The following ADAMTS17 variants were observed in gnomAD, a reference collection of about 807,000 sequenced individuals.
ADAMTS17 encodes ADAM metallopeptidase with thrombospondin type 1 motif 17, also known as A disintegrin and metalloproteinase with thrombospondin motifs 17.
Under a neutral mutation model 141.5 loss-of-function variants are expected in ADAMTS17, and 113 were observed. That is an observed-to-expected ratio of 0.80 (90% confidence interval 0.69 to 0.93). The LOEUF is 0.93. Ranked by LOEUF, ADAMTS17 falls within the 40% of genes least tolerant of loss-of-function variation. ADAMTS17 has a pLI of 0.00. For missense variants in ADAMTS17, 1,659 were observed against 1,517.9 expected, an observed-to-expected ratio of 1.09 and a Z score of -1.54; for synonymous variants, 768 against 630.6, an observed-to-expected ratio of 1.22 and a Z score of -3.27.
intron 20 of ADAMTS17, among the ~76,000 whole-genome samples, chr15:99,988,717 CA>C (rs966192309): frequency 3.9e-5 from 6 of 152,178 alleles, no homozygotes; most frequent in Admixed American, 3.3e-4. Flanking sequence ...GACGGCCAGG[CA>C]AAAGGCTCCA....
rs1224770888 is a variant in ADAMTS17 at position 100,053,808 on chromosome 15, G to A, written c.2295+89C>T. The A allele has an allele frequency of 3.8e-6, 6 of 1,599,918 alleles. No individual in the cohort carries two copies. The African/African-American group carries it at 6.7e-5, about 18-fold the overall frequency. On this transcript the variant is annotated intron_variant, in intron 16 of 21. Transcript: ENST00000268070. ...AGCCAGATGCATTTCCTGCCCCCGA[G>A]GTCCCAGGCAGAAGTAAACTGGAAA...
chr15:100,182,506 A>AC (rs2040560597), intron 8 of ADAMTS17, among the ~76,000 whole-genome samples: 2 of 152,190 alleles, frequency 1.3e-5, no homozygotes, highest in African/African-American at 4.8e-5. Flanking sequence ...CACAGAGATT[A>AC]CCTCTCTGTG....
chr15:100,037,005 T>C (rs554022581), intron 18 of ADAMTS17, among the ~76,000 whole-genome samples: 3 of 152,360 alleles, frequency 2.0e-5, no homozygotes, highest in East Asian at 1.9e-4. Context: ...TTAGCCATTA[T>C]AATACTATGA....
chr15:100,293,044 C>A (rs1324035645), intron 3 of ADAMTS17, among the ~76,000 whole-genome samples: 1 of 152,148 alleles, frequency 6.6e-6, no homozygotes, highest in African/African-American at 2.4e-5. Flanking sequence ...CTTATAGGAA[C>A]CTTCGAAAAT....
At chr15:100,085,806 T>C (rs543744393) in intron 15 of ADAMTS17, among the ~76,000 whole-genome samples, 1 of 151,772 alleles carries the variant, frequency 6.6e-6, no homozygotes, top group Non-Finnish European at 1.5e-5. Context: ...TGAGAGATTT[T>C]GTCACCACCA....
Position 100,116,962 on chromosome 15 carries a change from G to A in ADAMTS17, c.1773C>T (p.Val591=). The part of the protein sequence containing the change: ...HCPGASVEHA[V]CENLPCPKGL... Reference sequence around the variant, plus strand: ...CCTTGGGGCAGGGCAGGTTCTCGCAGACCGCATGTTCTACACTGGCACCCG... The same window carrying A: ...CCTTGGGGCAGGGCAGGTTCTCGCAAACCGCATGTTCTACACTGGCACCCG... The change falls in exon 13 of 22, where the codon GTC becomes GTT. Residue 591 remains valine (V), a synonymous_variant. Coordinates refer to ENST00000268070, the MANE Select transcript of ADAMTS17 (RefSeq NM_139057.4). The A allele has an allele frequency of 6.2e-7, 1 of 1,613,922 alleles. No homozygotes were observed. Among genetic ancestry groups the A allele is most frequent in the Non-Finnish European group, 8.5e-7 (1 of 1,179,972 alleles).
chr15:100,269,948 A>G (rs1445375812), intron 4 of ADAMTS17, among the ~76,000 whole-genome samples: 4 of 152,170 alleles, frequency 2.6e-5, no homozygotes, highest in Non-Finnish European at 4.4e-5. Flanking sequence ...AAAATCCCCA[A>G]CCAATACAAG....
intron 8 of ADAMTS17, among the ~76,000 whole-genome samples, chr15:100,168,056 G>A (rs571164150): frequency 4.9e-4 from 74 of 152,314 alleles, no homozygotes; most frequent in African/African-American, 1.6e-3. Flanking sequence ...AGGCGGGTAC[G>A]TGTTGGCTTT....
intron 10 of ADAMTS17, among the ~76,000 whole-genome samples, chr15:100,147,430 C>CT (rs2038961196): frequency 6.6e-6 from 1 of 152,206 alleles, no homozygotes; most frequent in African/African-American, 2.4e-5. Context: ...CACCTAGGCT[C>CT]TGTGGTGTAG....
At chr15:100,152,533 C>A (rs922920038) in intron 10 of ADAMTS17, 79 bp downstream of exon 10, 24 of 1,593,560 alleles carry the variant, frequency 1.5e-5, no homozygotes, top group Non-Finnish European at 1.6e-5. Flanking sequence ...ATGCCCATGT[C>A]CTCCAGCAGA....
chr15:99,999,147 C>T (rs537683598), intron 18 of ADAMTS17, among the ~76,000 whole-genome samples: 1 of 152,278 alleles, frequency 6.6e-6, no homozygotes, highest in Admixed American at 6.5e-5. Flanking sequence ...ACGTGCCAGG[C>T]ACCTTCTAGG....
At chr15:100,106,041 G>A (rs1027550064) in intron 14 of ADAMTS17, among the ~76,000 whole-genome samples, 2 of 151,948 alleles carry the variant, frequency 1.3e-5, no homozygotes, top group Admixed American at 1.3e-4. Flanking sequence ...CTGTCACGTA[G>A]GCTGGAGTGC....
chr15:100,252,028 C>T (rs921659776), intron 7 of ADAMTS17, among the ~76,000 whole-genome samples: 1 of 152,012 alleles, frequency 6.6e-6, no homozygotes, highest in East Asian at 1.9e-4. Context: ...TTATGGCGCC[C>T]GAGCAAACCA....
rs572279672 is a variant in ADAMTS17 at position 100,235,119 on chromosome 15, C to G, written c.1075+19017G>C. Among the ~76,000 whole-genome samples, 3 of 152,228 alleles carry G rather than the reference C, an allele frequency of 2.0e-5. No homozygotes were observed. In the East Asian group the frequency reaches 5.8e-4, roughly 29 times the overall value. ...CGAGAACAGGAAGGCAGACGCGGGC[C>G]CACGATGAGATAGGATGCAGGAGGT... On this transcript the variant is annotated intron_variant, in intron 7 of 21. Coordinates refer to ENST00000268070, the MANE Select transcript of ADAMTS17 (RefSeq NM_139057.4).
At chr15:100,153,737 A>C (rs1032659324) in intron 9 of ADAMTS17, among the ~76,000 whole-genome samples, 1 of 152,186 alleles carries the variant, frequency 6.6e-6, no homozygotes, top group Non-Finnish European at 1.5e-5. Context: ...TCAATTTCTA[A>C]AGGCAGATGG....
chr15:100,081,457 T>C (rs1189124139), intron 15 of ADAMTS17, among the ~76,000 whole-genome samples: 2 of 152,244 alleles, frequency 1.3e-5, no homozygotes, highest in Non-Finnish European at 2.9e-5. Context: ...TGCATGACCT[T>C]GTGCTAAAAC....
At chr15:100,186,458 T>C (rs948856348) in intron 8 of ADAMTS17, among the ~76,000 whole-genome samples, 2 of 152,208 alleles carry the variant, frequency 1.3e-5, no homozygotes, top group African/African-American at 4.8e-5. Flanking sequence ...GACCAACAAC[T>C]TCATGGACTC....
chr15:100,306,806 C>A (rs1481880527), intron 3 of ADAMTS17, among the ~76,000 whole-genome samples: 1 of 152,140 alleles, frequency 6.6e-6, no homozygotes, highest in Non-Finnish European at 1.5e-5. Flanking sequence ...GGATGCAGCA[C>A]CCCCTTGAAA....
rs541915277 is a variant in ADAMTS17 at position 100,120,949 on chromosome 15, G to A, written c.1722-3936C>T. On this transcript the variant is annotated intron_variant, in intron 12 of 21. Coordinates refer to ENST00000268070, the MANE Select transcript of ADAMTS17 (RefSeq NM_139057.4). ...AAAACGACTGTCTTAAAAATGCTCA[G>A]GAACCAAATGAAGGCACAGATAAAG... 9.2e-5 allele frequency among the ~76,000 whole-genome samples: 14 copies of A among 152,188 alleles called. No individual in the cohort carries two copies. The South Asian group carries it at 2.5e-3, about 27-fold the overall frequency.
Sources: allele counts gnomAD v4.1 joint callset (sites outside exome capture counted in the v4.1 genomes callset), GRCh38; gene constraint gnomAD v4.1.1; transcripts MANE v1.5; gene names NCBI Gene and HGNC (gene_info 2026-07-23, HGNC 2026-07-21).